Variants in ILRUN observed in about 807,000 individuals in gnomAD.
ILRUN encodes inflammation and lipid regulator with UBA-like and NBR1-like domains, also known as protein ILRUN.
In ILRUN, 3 loss-of-function variants were observed where a neutral mutation model predicts 33.8. That is an observed-to-expected ratio of 0.09 (90% CI 0.04 to 0.23). The LOEUF (loss-of-function observed/expected upper bound fraction) is 0.23, where lower values mean the gene tolerates loss of function less well. Ranked by LOEUF, ILRUN falls within the 10% of genes least tolerant of loss-of-function variation. The pLI, the probability that ILRUN is intolerant of heterozygous loss-of-function variation, is 1.00. For missense variants in ILRUN, 210 were observed against 375.1 expected (o/e 0.56, Z 3.64); for synonymous variants, 124 against 138.9 (o/e 0.89, Z 0.75).
chr6:34,684,504 C>A (rs1262708269), intron 1 of ILRUN, among the ~76,000 whole-genome samples: 1 of 152,160 alleles, frequency 6.6e-6, no homozygotes, highest in Admixed American at 6.5e-5. Flanking sequence ...CACATTACTT[C>A]AACAAATGTT....
At chr6:34,683,411 TATATATAC>T (rs1258905863) in intron 1 of ILRUN, among the ~76,000 whole-genome samples, 63 of 75,138 alleles carry the variant, frequency 8.4e-4, no homozygotes, top group East Asian at 7.7e-3. Flanking sequence ...TATATACATA[TATATATAC>T]ATATATATAC....
At chr6:34,613,017 T>C (rs887974916) in intron 3 of ILRUN, among the ~76,000 whole-genome samples, 6 of 150,784 alleles carry the variant, frequency 4.0e-5, no homozygotes, top group Admixed American at 1.3e-4. Context: ...CACTCCAGCC[T>C]GGGCAACAGT....
chr6:34,619,691 T>C (rs1761970134), intron 3 of ILRUN, among the ~76,000 whole-genome samples: 1 of 151,992 alleles, frequency 6.6e-6, no homozygotes, highest in African/African-American at 2.4e-5. Flanking sequence ...AGGATATACA[T>C]ATTAAGTGAA....
At chr6:34,674,814 A>C (rs1295646271) in intron 1 of ILRUN, among the ~76,000 whole-genome samples, 1 of 152,176 alleles carries the variant, frequency 6.6e-6, no homozygotes, top group Admixed American at 6.5e-5. Flanking sequence ...TAATCCCAGC[A>C]CTTTGGGAGG....
intron 3 of ILRUN, among the ~76,000 whole-genome samples, chr6:34,625,023 A>C (rs1345414909): frequency 6.6e-6 from 1 of 152,190 alleles, no homozygotes; most frequent in Non-Finnish European, 1.5e-5. Flanking sequence ...CAGTGCAAGA[A>C]CCAGCAGAAC....
In ILRUN at chr6:34,679,584, A is replaced by G. The variant is rs570741236; in HGVS notation, c.158+16862T>C. On this transcript the variant is annotated intron_variant, in intron 1 of 4. Transcript: ENST00000374023. ...TTAAAGTGTTGAATTATATTTATTA[A>G]GACTGGGAAAATGGTTATATCATTC... Among the ~76,000 whole-genome samples the G allele has an allele frequency of 5.3e-5, 8 of 152,366 alleles. No homozygotes were observed. In the South Asian group the frequency reaches 1.4e-3, roughly 28 times the overall value.
chr6:34,626,317 G>T lies in ILRUN; in HGVS notation c.512-19413C>A, dbSNP rs181376854. 1.2e-3 allele frequency among the ~76,000 whole-genome samples: 179 copies of T among 152,276 alleles called. 2 individuals carry two copies. The highest frequency in any genetic ancestry group is 1.9e-3 in the Non-Finnish European group (129 of 68,020). ...CCGCAAAGTAGCTAGGACTACAGGT[G>T]CATGTCACCATGCTCAGCTAATTTT... On this transcript the variant is annotated intron_variant, in intron 3 of 4. Coordinates refer to ENST00000374023, the MANE Select transcript of ILRUN (RefSeq NM_024294.4).
At chr6:34,601,218 A>T (rs1360700986) in intron 4 of ILRUN, among the ~76,000 whole-genome samples, 1 of 152,216 alleles carries the variant, frequency 6.6e-6, no homozygotes, top group Non-Finnish European at 1.5e-5. Flanking sequence ...AATTAAATTT[A>T]AAAAAGTCCT....
At chr6:34,626,476 C>T (rs185603713) in intron 3 of ILRUN, among the ~76,000 whole-genome samples, 4 of 152,298 alleles carry the variant, frequency 2.6e-5, no homozygotes, top group South Asian at 2.1e-4. Flanking sequence ...TTTGCCCGAT[C>T]GTATTTTATT....
At chr6:34,665,005 G>A (rs1184438160) in intron 1 of ILRUN, among the ~76,000 whole-genome samples, 1 of 152,046 alleles carries the variant, frequency 6.6e-6, no homozygotes, top group African/African-American at 2.4e-5. Flanking sequence ...GTCTTGTGCT[G>A]TCACCCAGGC....
intron 3 of ILRUN, among the ~76,000 whole-genome samples, chr6:34,644,769 G>C (rs1311604061): frequency 2.0e-5 from 3 of 152,114 alleles, no homozygotes; most frequent in African/African-American, 7.2e-5. Flanking sequence ...AGGAGGCAAG[G>C]GGGAGGAAGC....
chr6:34,677,607 T>C, intron 1 of ILRUN, among the ~76,000 whole-genome samples: 1 of 152,158 alleles, frequency 6.6e-6, no homozygotes, highest in East Asian at 1.9e-4. Flanking sequence ...CAAGCAGCTT[T>C]ACTGTTTTTT....
rs551183895 is a variant in ILRUN at position 34,646,002 on chromosome 6, T to A, written c.511+599A>T. Reference sequence around the variant, plus strand: ...GTGTAGTATGGTGCCAAATGATCATTAAAAGGTCAGCTGGTATGAAGACTG... The same window carrying A: ...GTGTAGTATGGTGCCAAATGATCATAAAAAGGTCAGCTGGTATGAAGACTG... On this transcript the variant is annotated intron_variant, in intron 3 of 4. Coordinates refer to ENST00000374023, the MANE Select transcript of ILRUN (RefSeq NM_024294.4). The surrounding 1 kb of genome is among the most constrained non-coding windows in gnomAD (Gnocchi z 4.9). Among the ~76,000 whole-genome samples, 1 of 152,278 alleles carries A rather than the reference T, an allele frequency of 6.6e-6. No individual in the cohort carries two copies. Among genetic ancestry groups the A allele is most frequent in the Non-Finnish European group, 1.5e-5 (1 of 68,022 alleles).
At chr6:34,685,497 C>T (rs973408310) in intron 1 of ILRUN, 3 of 152,192 alleles carry the variant, frequency 2.0e-5, no homozygotes, top group African/African-American at 7.2e-5. Context: ...CTCCTGCTCC[C>T]GGGAGATCAC....
rs1761322101 is a variant in ILRUN at position 34,592,781 on chromosome 6, G to C, written c.862-2181C>G. 6.6e-6 allele frequency among the ~76,000 whole-genome samples: 1 copy of C among 151,846 alleles called. No homozygotes were observed. Among genetic ancestry groups the C allele is most frequent in the Admixed American group, 6.6e-5 (1 of 15,234 alleles). ...GTTCCCAACAACAATCATTCATCTA[G>C]AACTACCCAAGGAAAGCAACAAAAA... is the stretch of plus-strand genomic sequence containing the variant. On this transcript the variant is annotated intron_variant, in intron 4 of 4. Transcript: ENST00000374023. This position sits in a 1 kb window ranked among gnomAD's most constrained non-coding sequence, Gnocchi z 4.0.
chr6:34,618,063 T>C (rs58562149), intron 3 of ILRUN, among the ~76,000 whole-genome samples: 53 of 152,246 alleles, frequency 3.5e-4, no homozygotes, highest in African/African-American at 1.3e-3. Context: ...ATCACTTATT[T>C]CTCTCAAATC....
intron 4 of ILRUN, among the ~76,000 whole-genome samples, chr6:34,596,139 T>C (rs1225929369): frequency 1.3e-5 from 2 of 152,216 alleles, no homozygotes; most frequent in Non-Finnish European, 2.9e-5. Context: ...ACTGGAGTAA[T>C]GAGCAGGGCA....
At position 34,639,652 on chromosome 6, in the gene ILRUN, G is replaced by A. The variant is rs117565799; in HGVS notation, c.511+6949C>T. Among the ~76,000 whole-genome samples the A allele has an allele frequency of 1.0e-3, 152 of 152,246 alleles. 3 individuals carry two copies. In the East Asian group the frequency reaches 0.026, roughly 26 times the overall value. On this transcript the variant is annotated intron_variant, in intron 3 of 4. Coordinates refer to ENST00000374023, the MANE Select transcript of ILRUN (RefSeq NM_024294.4). ...TCCACCTCAATGCCCACTCACTCTGGAAGTAGAGAGAAGACTTCCGGACCA... is the reference window on the plus strand; with the variant it reads ...TCCACCTCAATGCCCACTCACTCTGAAAGTAGAGAGAAGACTTCCGGACCA...
intron 1 of ILRUN, among the ~76,000 whole-genome samples, chr6:34,683,944 G>GA (rs1763462145): frequency 6.6e-6 from 1 of 151,796 alleles, no homozygotes; most frequent in Non-Finnish European, 1.5e-5. Flanking sequence ...GGTGCCTGTG[G>GA]TCCCAGCTAC....
Sources: allele counts gnomAD v4.1 joint callset (sites outside exome capture counted in the v4.1 genomes callset), GRCh38; gene constraint gnomAD v4.1.1; non-coding constraint Gnocchi (gnomAD v3.1); transcripts MANE v1.5; gene names NCBI Gene and HGNC (gene_info 2026-07-23, HGNC 2026-07-21).